Variants in PLA2G4F observed in about 807,000 individuals in gnomAD.
The protein encoded by PLA2G4F is cytosolic phospholipase A2 zeta.
In PLA2G4F, 105 loss-of-function variants were observed where a neutral mutation model predicts 103.1. The observed-to-expected ratio is 1.02, with a 90% CI of 0.87 to 1.20. PLA2G4F has a LOEUF of 1.20. Ranked by LOEUF, PLA2G4F falls within the 50% of genes most tolerant of loss-of-function variation. PLA2G4F has a pLI of 0.00. For synonymous variants in PLA2G4F, 468 were observed against 441.1 expected (o/e 1.06, Z -0.76); for missense variants, 1,155 against 1,075.9 (o/e 1.07, Z -1.03).
At chr15:42,142,767 G>A (rs1241659163) in intron 18 of PLA2G4F, 53 bp from the exon 19 acceptor site, 50 of 1,585,820 alleles carry the variant, frequency 3.2e-5, no homozygotes, top group Middle Eastern at 3.4e-4. Context: ...GGCCACTCCC[G>A]CCGCCCTGGA....
chr15:42,147,420 A>T, intron 12 of PLA2G4F, 74 bp from the exon 13 acceptor site: 3 of 1,471,120 alleles, frequency 2.0e-6, no homozygotes, highest in Non-Finnish European at 2.8e-6. Context: ...AGAGTCTGTG[A>T]GTGGCCCTCC....
At chr15:42,150,069 G>T (rs2140810453) in intron 10 of PLA2G4F, 35 bp downstream of exon 10, 2 of 1,613,858 alleles carry the variant, frequency 1.2e-6, no homozygotes, top group Middle Eastern at 1.6e-4. Flanking sequence ...TTCTAGCCCA[G>T]CCCCAAGAGG....
chr15:42,153,199 C>T, intron 6 of PLA2G4F, 101 bp downstream of exon 6: 1 of 1,351,060 alleles, frequency 7.4e-7, no homozygotes, highest in East Asian at 2.3e-5. Flanking sequence ...CCGAGGAGGG[C>T]TTGGGTGTCC....
Position 42,147,613 on chromosome 15 carries a change from C to G in PLA2G4F, c.1196+13G>C. ...GTCTCCTTTACCCTGTGCCCTGCCCCCACCTCACTTACCAGGTAGACCCAG... is the reference window on the plus strand; with the variant it reads ...GTCTCCTTTACCCTGTGCCCTGCCCGCACCTCACTTACCAGGTAGACCCAG... On this transcript the variant is annotated intron_variant, in intron 12 of 19. Transcript: ENST00000397272. 6.2e-7 allele frequency: 1 copy of G among 1,613,772 alleles called. No individual in the cohort carries two copies. Among genetic ancestry groups the G allele is most frequent in the Non-Finnish European group, 8.5e-7 (1 of 1,179,796 alleles).
intron 2 of PLA2G4F, among the ~76,000 whole-genome samples, chr15:42,155,100 CAT>C (rs112907457): frequency 2.5e-5 from 3 of 118,914 alleles, no homozygotes; most frequent in Admixed American, 1.0e-4. Flanking sequence ...CGTATACACA[CAT>C]ACACACTCAC....
chr15:42,142,443 T>C (rs1195327457), intron 19 of PLA2G4F, 85 bp downstream of exon 19: 2 of 1,451,476 alleles, frequency 1.4e-6, no homozygotes, highest in African/African-American at 2.9e-5. Flanking sequence ...TTAGTGACAT[T>C]CTCCAGGGAA....
chr15:42,150,334 G>GGTGACCT, intron 9 of PLA2G4F, 39 bp downstream of exon 9: 1 of 1,567,836 alleles, frequency 6.4e-7, no homozygotes, highest in Non-Finnish European at 8.7e-7. Context: ...GTCACAGAGA[G>GGTGACCT]CAGGCAGGGG....
chr15:42,146,075 C>T (rs1422246239), intron 14 of PLA2G4F, 52 bp downstream of exon 14: 4 of 1,600,890 alleles, frequency 2.5e-6, no homozygotes, highest in African/African-American at 2.7e-5. Flanking sequence ...GGCCTCTCAC[C>T]TCCTCCTCCC....
intron 13 of PLA2G4F, chr15:42,146,874 T>G (rs552275907): frequency 1.3e-5 from 6 of 467,212 alleles, no homozygotes; most frequent in African/African-American, 1.2e-4. Context: ...TTTGAAAAGC[T>G]GCGCCGGTGA....
At chr15:42,150,542 A>C (rs1321481991) in intron 8 of PLA2G4F, 56 bp from the exon 9 acceptor site, 1 of 1,598,770 alleles carries the variant, frequency 6.3e-7, no homozygotes, top group Non-Finnish European at 8.5e-7. Flanking sequence ...AGTCTCCCCC[A>C]ACGTGGCCCT....
intron 1 of PLA2G4F, 122 bp from the exon 2 acceptor site, chr15:42,155,711 G>T: frequency 3.2e-6 from 3 of 948,068 alleles, no homozygotes; most frequent in South Asian, 1.5e-5. Context: ...TCTCTGTGCC[G>T]GGGAGCAGGG....
chr15:42,150,662 T>G lies in PLA2G4F; in HGVS notation c.717A>C (p.Pro239=). The G allele has an allele frequency of 6.2e-7, 1 of 1,613,714 alleles. No homozygotes were observed. The highest frequency in any genetic ancestry group is 8.5e-7 in the Non-Finnish European group (1 of 1,179,884). ...LPPTFTFHVN[P]VLSSRLHVEL... ...CCACGTGTAGCCTGGAGCTCAGCAC[T>G]GGGTTCACGTGGAAGGTAAAGGTGG... The change falls in exon 8 of 20, where the codon CCA becomes CCC. Residue 239 remains proline, a synonymous_variant. Transcript: ENST00000397272.
intron 13 of PLA2G4F, 126 bp downstream of exon 13, chr15:42,146,998 A>AG: frequency 2.1e-6 from 2 of 947,488 alleles, no homozygotes; most frequent in East Asian, 2.6e-5. Flanking sequence ...TCCTGGCCCC[A>AG]GGGGAGCCGA....
chr15:42,142,428 C>T (rs74413555), intron 19 of PLA2G4F, 100 bp downstream of exon 19: 111,377 of 1,385,204 alleles, frequency 0.08, 4,892 homozygotes, highest in South Asian at 0.09. Context: ...CACCAGGAGG[C>T]GTGCTTAGTG....
rs2048837631 is a variant in PLA2G4F at position 42,142,663 on chromosome 15, T to G, written c.2194A>C (p.Ser732Arg). The change falls in exon 19 of 20, where the codon AGC becomes CGC. Residue 732 changes from serine (S) to arginine (R), a missense_variant. Physicochemically the swap from Ser to Arg is moderately radical, Grantham distance 110. Coordinates refer to ENST00000397272, the MANE Select transcript of PLA2G4F (RefSeq NM_213600.4). The stretch of plus-strand genomic sequence containing the variant: ...ATGTCCTCAGGGCCCACCTCGATGC[T>G]AGGGAAGGGGATTCCTCGGTCCAGG... ...YCLDRGIPFP[S>R]IEVGPEDMEE... is the part of the protein sequence containing the mutation. 1 of 1,614,090 alleles carries G rather than the reference T, an allele frequency of 6.2e-7. No homozygotes were observed. Among genetic ancestry groups the G allele is most frequent in the Non-Finnish European group, 8.5e-7 (1 of 1,180,008 alleles).
In PLA2G4F at chr15:42,142,031, G is replaced by A. The variant is rs1488730312; in HGVS notation, c.2503C>T (p.Gln835Ter). The A allele has an allele frequency of 6.2e-7, 1 of 1,614,168 alleles. No homozygotes were observed. The highest frequency in any genetic ancestry group is 8.5e-7 in the Non-Finnish European group (1 of 1,180,036). ...GCCTGGTGCCGGTCCAGAGCCAGCTGGAGGGCGCACTTCAAGGTCTCCACG... is the reference window on the plus strand; with the variant it reads ...GCCTGGTGCCGGTCCAGAGCCAGCTAGAGGGCGCACTTCAAGGTCTCCACG... Reference protein sequence around the residue: ...NNVETLKCALQLALDRHQARE... With the variant: ...NNVETLKCAL The change falls in exon 20 of 20, where the codon CAG (glutamine) becomes TAG (stop). Residue 835 changes from glutamine to a stop codon, truncating the protein, a stop_gained. Transcript: ENST00000397272. LOFTEE classifies it high-confidence loss of function.
intron 11 of PLA2G4F, 27 bp downstream of exon 11, chr15:42,149,686 G>C (rs1473816317): frequency 6.2e-7 from 1 of 1,613,566 alleles, no homozygotes; most frequent in South Asian, 1.1e-5. Flanking sequence ...AGAGGCTCTG[G>C]GGTCCAGCTC....
At chr15:42,156,304 G>A (rs2049014367) in intron 1 of PLA2G4F, 135 bp downstream of exon 1, 3 of 633,254 alleles carry the variant, frequency 4.7e-6, no homozygotes, top group Non-Finnish European at 8.2e-6. Context: ...TTTAAGCTCT[G>A]CCAGGTCATC....
At chr15:42,150,568 G>C in intron 8 of PLA2G4F, 40 bp downstream of exon 8, 1 of 1,596,856 alleles carries the variant, frequency 6.3e-7, no homozygotes. Flanking sequence ...GCCAGTCTGG[G>C]CTGAGTTGGA....
Sources: gnomAD v4.1 joint callset for allele counts (sites outside exome capture counted in the v4.1 genomes callset) on GRCh38, gnomAD v4.1.1 for gene constraint, MANE v1.5 for transcripts, NCBI Gene and HGNC (gene_info 2026-07-23, HGNC 2026-07-21) for gene names.